Variants in PHACTR1 observed in about 807,000 individuals in gnomAD.
The protein encoded by PHACTR1 is phosphatase and actin regulator 1.
In PHACTR1, 16 loss-of-function variants were observed where a neutral mutation model predicts 69.2. That is an observed-to-expected ratio of 0.23 (90% CI 0.16 to 0.35). PHACTR1 has a LOEUF of 0.35. PHACTR1 is among the 10% of genes least tolerant of loss of function. The pLI is 1.00. For missense variants in PHACTR1, 510 were observed against 734.7 expected, an observed-to-expected ratio of 0.69 and a Z score of 3.54; for synonymous variants, 312 against 284.5, an observed-to-expected ratio of 1.10 and a Z score of -0.97.
intron 4 of PHACTR1, among the ~76,000 whole-genome samples, chr6:12,810,036 T>C (rs1406139221): frequency 2.6e-5 from 4 of 152,174 alleles, no homozygotes; most frequent in Admixed American, 2.6e-4. Flanking sequence ...TGTGTGTAGA[T>C]AGATCCATTG....
At chr6:13,201,633 T>C (rs974268731) in intron 7 of PHACTR1, among the ~76,000 whole-genome samples, 1 of 152,116 alleles carries the variant, frequency 6.6e-6, no homozygotes, top group Non-Finnish European at 1.5e-5. Context: ...ACTGGTGTAG[T>C]GGTCAAGAAG....
Position 12,757,319 on chromosome 6 carries a change from G to C in PHACTR1, c.250+7529G>C, listed in dbSNP as rs558797666. On this transcript the variant is annotated intron_variant, in intron 4 of 14. Transcript: ENST00000332995. ...CAAGGAGACCGGTGTGGCTGGGGAG[G>C]AGTAAGGAAGGGAGACGAAGAGGGG... Among the ~76,000 whole-genome samples the C allele has an allele frequency of 1.1e-4, 17 of 152,268 alleles. No homozygotes were observed. In the South Asian group the frequency reaches 3.3e-3, roughly 30 times the overall value.
intron 4 of PHACTR1, among the ~76,000 whole-genome samples, chr6:12,779,623 C>A (rs891539973): frequency 6.6e-6 from 1 of 152,136 alleles, no homozygotes; most frequent in African/African-American, 2.4e-5. Context: ...CCATTTTAAC[C>A]CATTTGGTGT....
chr6:12,934,844 A>G (rs77761824), intron 4 of PHACTR1, among the ~76,000 whole-genome samples: 1 of 151,870 alleles, frequency 6.6e-6, no homozygotes, highest in Non-Finnish European at 1.5e-5. Context: ...TCAAAAAAAA[A>G]AACAAAAAAA....
intron 4 of PHACTR1, among the ~76,000 whole-genome samples, chr6:13,017,758 AT>A (rs1479125918): frequency 6.6e-6 from 1 of 152,060 alleles, no homozygotes; most frequent in Non-Finnish European, 1.5e-5. Flanking sequence ...TTTAATAATT[AT>A]GTATTAAGAT....
At position 13,181,724 on chromosome 6, in the gene PHACTR1, G is replaced by GA. The variant is rs1344337379; in HGVS notation, c.497-795_497-794insA. Among the ~76,000 whole-genome samples the GA allele has an allele frequency of 9.9e-5, 15 of 152,166 alleles. No individual in the cohort carries two copies. In the East Asian group the frequency reaches 2.9e-3, roughly 30 times the overall value. Reference sequence around the variant, plus strand: ...AGCCTGTTAGGTGCAGATGAGAGCTGTCCTAATAGTTTATCCAAGTAGAGA... The same window carrying GA: ...AGCCTGTTAGGTGCAGATGAGAGCTGATCCTAATAGTTTATCCAAGTAGAGA... On this transcript the variant is annotated intron_variant, in intron 6 of 14. Coordinates refer to ENST00000332995, the MANE Select transcript of PHACTR1 (RefSeq NM_030948.6).
At chr6:12,959,637 G>A in intron 4 of PHACTR1, among the ~76,000 whole-genome samples, 1 of 152,152 alleles carries the variant, frequency 6.6e-6, no homozygotes, top group East Asian at 1.9e-4. Flanking sequence ...TCCATCTGTT[G>A]AAACTTGCTG....
At chr6:12,814,040 A>G (rs1775310054) in intron 4 of PHACTR1, among the ~76,000 whole-genome samples, 1 of 152,130 alleles carries the variant, frequency 6.6e-6, no homozygotes, top group Non-Finnish European at 1.5e-5. Flanking sequence ...CTTCTGTTCC[A>G]TTTCCCCTGT....
chr6:12,984,400 T>G (rs894840822), intron 4 of PHACTR1, among the ~76,000 whole-genome samples: 1 of 152,226 alleles, frequency 6.6e-6, no homozygotes, highest in African/African-American at 2.4e-5. Flanking sequence ...GTGAGATAAT[T>G]TAATCTTTCA....
Position 13,268,771 on chromosome 6 carries a change from A to G in PHACTR1, c.1392-4089A>G, listed in dbSNP as rs1777178768. Reference sequence around the variant, plus strand: ...CCTCCCAAATCTCATTTTCAAGGTCAAAACAACTAACTATAGCACAGGCCC... The same window carrying G: ...CCTCCCAAATCTCATTTTCAAGGTCGAAACAACTAACTATAGCACAGGCCC... On this transcript the variant is annotated intron_variant, in intron 10 of 14. Transcript: ENST00000332995. 2.0e-5 allele frequency among the ~76,000 whole-genome samples: 3 copies of G among 152,224 alleles called. No individual in the cohort carries two copies. The South Asian group carries it at 6.2e-4, about 32-fold the overall frequency.
intron 4 of PHACTR1, among the ~76,000 whole-genome samples, chr6:12,759,656 G>T (rs1767811362): frequency 6.6e-6 from 1 of 152,104 alleles, no homozygotes; most frequent in South Asian, 2.1e-4. Flanking sequence ...GGAAAAAAAT[G>T]AATGTAATCC....
intron 7 of PHACTR1, among the ~76,000 whole-genome samples, chr6:13,205,045 G>C (rs975526254): frequency 6.6e-6 from 1 of 152,220 alleles, no homozygotes; most frequent in Non-Finnish European, 1.5e-5. Flanking sequence ...AATTTGTGAA[G>C]AAAAGAGATT....
intron 4 of PHACTR1, among the ~76,000 whole-genome samples, chr6:12,866,747 C>G (rs72835701): frequency 1.3e-5 from 2 of 152,318 alleles, no homozygotes; most frequent in Non-Finnish European, 1.5e-5. Flanking sequence ...AGAAGAGACT[C>G]TGTGCTTTGG....
Position 12,999,733 on chromosome 6 carries a change from T to C in PHACTR1, c.251-53632T>C, listed in dbSNP as rs944326098. On this transcript the variant is annotated intron_variant, in intron 4 of 14. Transcript: ENST00000332995. ...ATATTAATGCTCGCAAATGCATACC[T>C]ATATGGTAAAAGTTCAACAGGACAC... is the stretch of plus-strand genomic sequence containing the variant. 3.3e-5 allele frequency among the ~76,000 whole-genome samples: 5 copies of C among 152,314 alleles called. No homozygotes were observed. In the South Asian group the frequency reaches 8.3e-4, roughly 25 times the overall value.
chr6:13,059,976 A>G (rs4711908), intron 5 of PHACTR1, among the ~76,000 whole-genome samples: 38,029 of 151,816 alleles, frequency 0.25, 5,170 homozygotes, highest in African/African-American at 0.35. Flanking sequence ...GGCCAAGGAC[A>G]GTCTTCTAGA....
intron 4 of PHACTR1, among the ~76,000 whole-genome samples, chr6:12,854,455 A>G (rs1176981564): frequency 6.6e-6 from 1 of 152,220 alleles, no homozygotes; most frequent in Non-Finnish European, 1.5e-5. Flanking sequence ...TCAAATCAGG[A>G]TAGAATGCTT....
At chr6:12,749,062 A>G (rs1435719702) in intron 3 of PHACTR1, among the ~76,000 whole-genome samples, 1 of 152,210 alleles carries the variant, frequency 6.6e-6, no homozygotes, top group Non-Finnish European at 1.5e-5. Flanking sequence ...CTCCTCCATG[A>G]CCAGCGGGAC....
At chr6:12,789,764 TA>T (rs1772008602) in intron 4 of PHACTR1, among the ~76,000 whole-genome samples, 1 of 151,686 alleles carries the variant, frequency 6.6e-6, no homozygotes. Context: ...TTTTATTTTT[TA>T]TTTTTTTATT....
At chr6:13,120,962 T>C (rs747984675) in intron 5 of PHACTR1, among the ~76,000 whole-genome samples, 29 of 152,288 alleles carry the variant, frequency 1.9e-4, no homozygotes, top group South Asian at 4.1e-4. Flanking sequence ...AGAACAAGCC[T>C]GGCACCCTAG....
Sources: allele counts gnomAD v4.1 joint callset (sites outside exome capture counted in the v4.1 genomes callset), GRCh38; gene constraint gnomAD v4.1.1; transcripts MANE v1.5; gene names NCBI Gene and HGNC (gene_info 2026-07-23, HGNC 2026-07-21).